NFX1: variants seen among roughly 807,000 people sequenced by gnomAD.
NFX1 encodes the protein transcriptional repressor NF-X1.
Under a neutral mutation model 137.2 loss-of-function variants are expected in NFX1, and 69 were observed. The observed-to-expected ratio is 0.50, with a 90% CI of 0.41 to 0.61. NFX1 has a LOEUF of 0.61. NFX1 is among the 20% of genes least tolerant of loss of function. NFX1 has a pLI of 0.00. For synonymous variants in NFX1, 495 were observed against 474.1 expected (o/e 1.04, Z -0.57); for missense variants, 1,167 against 1,391.0 (o/e 0.84, Z 2.56).
chr9:33,300,338 C>G (rs1290630982), intron 2 of NFX1, among the ~76,000 whole-genome samples: 1 of 152,090 alleles, frequency 6.6e-6, no homozygotes. Flanking sequence ...GCTGGTATTA[C>G]AGGTGTAAGC....
rs1019602069 is a variant in NFX1, at chr9:33,359,336, C to T, written c.2873+4444C>T. On this transcript the variant is annotated intron_variant, in intron 19 of 23. Coordinates refer to ENST00000379540, the MANE Select transcript of NFX1 (RefSeq NM_002504.6). ...TTCCTTGGCCGGGCGCGGTGGCTCACGCCTGTAATCCCAGCACTTTGGGAG... is the reference window on the plus strand; with the variant it reads ...TTCCTTGGCCGGGCGCGGTGGCTCATGCCTGTAATCCCAGCACTTTGGGAG... Among the ~76,000 whole-genome samples the T allele has an allele frequency of 3.3e-5, 5 of 152,064 alleles. 1 individual carries two copies. Among genetic ancestry groups the T allele is most frequent in the South Asian group, 2.1e-4 (1 of 4,816 alleles).
chr9:33,313,415 C>G (rs1822035669), intron 6 of NFX1, among the ~76,000 whole-genome samples: 1 of 150,626 alleles, frequency 6.6e-6, no homozygotes, highest in Non-Finnish European at 1.5e-5. Flanking sequence ...ATAGTGAGAC[C>G]CTGTCTCTAT....
chr9:33,338,703 C>T, intron 12 of NFX1, 114 bp downstream of exon 12: 1 of 874,320 alleles, frequency 1.1e-6, no homozygotes, highest in Non-Finnish European at 1.8e-6. Context: ...GGACAGGCCC[C>T]TAAGCAGCAG....
At chr9:33,317,228 G>C (rs1822194720) in intron 7 of NFX1, among the ~76,000 whole-genome samples, 1 of 151,512 alleles carries the variant, frequency 6.6e-6, no homozygotes, top group African/African-American at 2.4e-5. Context: ...AGACCAGCTT[G>C]GGCAACATGG....
intron 7 of NFX1, among the ~76,000 whole-genome samples, chr9:33,316,413 C>A (rs551121521): frequency 6.6e-6 from 1 of 152,062 alleles, no homozygotes; most frequent in African/African-American, 2.4e-5. Flanking sequence ...CACCACCATG[C>A]CTGGCTTCAG....
chr9:33,347,196 G>T (rs949665455), intron 15 of NFX1, 79 bp downstream of exon 15: 3 of 1,099,204 alleles, frequency 2.7e-6, no homozygotes, highest in Non-Finnish European at 2.7e-6. Flanking sequence ...TAGTCTCATC[G>T]TCTGTCAAAG....
chr9:33,319,179 C>A, intron 9 of NFX1, 52 bp downstream of exon 9: 1 of 1,496,758 alleles, frequency 6.7e-7, no homozygotes, highest in Non-Finnish European at 9.3e-7. Flanking sequence ...AAATGGTTGG[C>A]AGCAGTGAGT....
rs1197875279 is a variant in NFX1, at chr9:33,364,794, A to G, written c.3039+20A>G. Reference sequence around the variant, plus strand: ...AATAAGGTTGAAGTCGAAACATCCCACTGGACATTTCTCTAAGGCCAGCTT... The same window carrying G: ...AATAAGGTTGAAGTCGAAACATCCCGCTGGACATTTCTCTAAGGCCAGCTT... On this transcript the variant is annotated intron_variant, in intron 21 of 23. Coordinates refer to ENST00000379540, the MANE Select transcript of NFX1 (RefSeq NM_002504.6). The G allele has an allele frequency of 1.2e-6, 2 of 1,612,748 alleles. No homozygotes were observed. The highest frequency in any genetic ancestry group is 4.5e-5 in the East Asian group (2 of 44,824).
At chr9:33,360,669 G>A (rs748998437) in intron 19 of NFX1, among the ~76,000 whole-genome samples, 6 of 152,074 alleles carry the variant, frequency 3.9e-5, no homozygotes, top group Admixed American at 3.9e-4. Flanking sequence ...ATGTATGTGT[G>A]TATATCTCTA....
intron 15 of NFX1, among the ~76,000 whole-genome samples, chr9:33,350,283 G>A (rs1029040485): frequency 1.4e-5 from 2 of 141,062 alleles, no homozygotes; most frequent in Non-Finnish European, 3.0e-5. Flanking sequence ...CAGCCTGGGC[G>A]ACAGAGCGAG....
rs1587853396 is a variant in NFX1 at position 33,336,112 on chromosome 9, TTC to T, written c.2036-2396_2036-2395del. 2.6e-5 allele frequency among the ~76,000 whole-genome samples: 4 copies of T among 152,214 alleles called. No individual in the cohort carries two copies. The East Asian group carries it at 7.7e-4, about 29-fold the overall frequency. ...GTTTAATTTTTTTGAAAAACTGCCA[TTC>T]TGTTTTCCACAGTGGCTACACCATT... On this transcript the variant is annotated intron_variant, in intron 11 of 23. Coordinates refer to ENST00000379540, the MANE Select transcript of NFX1 (RefSeq NM_002504.6).
At chr9:33,295,984 G>A (rs560850236) in intron 2 of NFX1, among the ~76,000 whole-genome samples, 3 of 152,272 alleles carry the variant, frequency 2.0e-5, no homozygotes, top group Admixed American at 1.3e-4. Context: ...AGGCTAGAGT[G>A]CAGTGGTGCG....
rs564883698 is a variant in NFX1 at position 33,360,944 on chromosome 9, A to G, written c.2874-3066A>G. Among the ~76,000 whole-genome samples the G allele has an allele frequency of 5.9e-5, 9 of 152,332 alleles. No homozygotes were observed. In the East Asian group the frequency reaches 1.7e-3, roughly 29 times the overall value. ...AGTGCTAAGCTGAAATCTAGCTTTA[A>G]AAAAATAAAATAACTTGAATGTTGG... On this transcript the variant is annotated intron_variant, in intron 19 of 23. Transcript: ENST00000379540.
Position 33,351,942 on chromosome 9 carries a change from T to C in NFX1, c.2655+152T>C, listed in dbSNP as rs143967704. ...AGTTAGAGAAAGGTAGAGTAAGTCA[T>C]ACAAGTTTCTGCCTGCCCAACTTGG... On this transcript the variant is annotated intron_variant, in intron 16 of 23. Coordinates refer to ENST00000379540, the MANE Select transcript of NFX1 (RefSeq NM_002504.6). 2.0e-3 allele frequency: 1,389 copies of C among 703,048 alleles called. 3 individuals are homozygous for C. Among genetic ancestry groups the C allele is most frequent in the Non-Finnish European group, 2.5e-3 (1,142 of 454,572 alleles). 43.6% of individuals were successfully genotyped at this position (703,048 alleles called of 1,614,324 possible).
intron 1 of NFX1, 93 bp downstream of exon 1, chr9:33,290,690 G>T (rs4879682): frequency 1.6e-6 from 2 of 1,281,084 alleles, no homozygotes; most frequent in Admixed American, 2.2e-5. Flanking sequence ...CTCATATCGC[G>T]AGAGTAGCAC....
intron 11 of NFX1, among the ~76,000 whole-genome samples, chr9:33,333,197 C>T (rs1025666878): frequency 6.6e-6 from 1 of 152,092 alleles, no homozygotes; most frequent in African/African-American, 2.4e-5. Context: ...CATTTTAAAA[C>T]CTTTTTGGAA....
At position 33,290,523 on chromosome 9, in the gene NFX1, T is replaced by G. The variant is rs745515973; in HGVS notation, c.-50T>G. The G allele has an allele frequency of 1.9e-6, 3 of 1,608,556 alleles. No homozygotes were observed. The highest frequency in any genetic ancestry group is 2.6e-6 in the Non-Finnish European group (3 of 1,175,132). The stretch of plus-strand genomic sequence containing the variant: ...CGGAAGTCCGGGGCACGTGACCTGG[T>G]GACAGTGCTGACTTGGCTGTACAGC... On this transcript the variant is annotated 5_prime_UTR_variant, in exon 1 of 24. Coordinates refer to ENST00000379540, the MANE Select transcript of NFX1 (RefSeq NM_002504.6).
chr9:33,369,913 G>A lies in NFX1; in HGVS notation c.3298G>A (p.Gly1100Arg), dbSNP rs1388672136. Reference protein sequence around the residue: ...HHRHQSDKNPGSSNLQKITKE... With the variant: ...HHRHQSDKNPRSSNLQKITKE... ...TCTTTGTTTGTTTTTCAGGAATCCT[G>A]GGAGCAGTAATTTACAGAAAATAAC... The change falls in exon 24 of 24, where the codon GGG becomes AGG. Residue 1100 changes from glycine to arginine, a missense_variant. By Grantham distance (125) the Gly-to-Arg change is moderately radical. Around this residue, in one of 3 missense-constraint regions of NFX1, gnomAD observed 312 missense variants for 312.8 expected, o/e 1.00. Coordinates refer to ENST00000379540, the MANE Select transcript of NFX1 (RefSeq NM_002504.6). 4 of 1,612,846 alleles carry A rather than the reference G, an allele frequency of 2.5e-6. No homozygotes were observed. The African/African-American group carries it at 5.3e-5, about 22-fold the overall frequency.
At chr9:33,351,536 T>G in intron 15 of NFX1, 24 bp from the exon 16 acceptor site, 1 of 1,603,668 alleles carries the variant, frequency 6.2e-7, no homozygotes, top group Non-Finnish European at 8.5e-7. Flanking sequence ...GAGATGAGAA[T>G]CTGGCTACTT....
Sources: gnomAD v4.1 joint callset for allele counts (sites outside exome capture counted in the v4.1 genomes callset) on GRCh38, gnomAD v4.1.1 for gene constraint, gnomAD v4.1.1 regional missense constraint, MANE v1.5 for transcripts, NCBI Gene and HGNC (gene_info 2026-07-23, HGNC 2026-07-21) for gene names.